Variants in MYO5B observed in about 807,000 individuals in gnomAD.
MYO5B encodes unconventional myosin-Vb.
MYO5B carries 143 observed loss-of-function variants against 229.3 expected under a neutral mutation model. The ratio of observed to expected loss-of-function variants is 0.62; its 90% CI spans 0.54 to 0.72. The LOEUF is 0.72. MYO5B is among the 30% of genes least tolerant of loss of function. The pLI is 0.00. For missense variants in MYO5B, 2,321 were observed against 2,331.0 expected (o/e 1.00, Z 0.09); for synonymous variants, 918 against 885.2 (o/e 1.04, Z -0.66).
intron 18 of MYO5B, among the ~76,000 whole-genome samples, chr18:49,909,083 T>C (rs1381975596): frequency 6.6e-6 from 1 of 152,224 alleles, no homozygotes. Context: ...CGTTCTGTTC[T>C]AAAACGTACT....
At chr18:50,152,047 T>C (rs1477363197) in intron 1 of MYO5B, among the ~76,000 whole-genome samples, 1 of 152,144 alleles carries the variant, frequency 6.6e-6, no homozygotes, top group African/African-American at 2.4e-5. Flanking sequence ...GGAAATGAAT[T>C]ACGTAAACAA....
intron 14 of MYO5B, among the ~76,000 whole-genome samples, chr18:49,950,165 C>T (rs536698231): frequency 1.8e-4 from 28 of 152,250 alleles, no homozygotes; most frequent in African/African-American, 6.3e-4. Flanking sequence ...TAGCCAGAGC[C>T]CTTCTTGGTT....
chr18:49,927,615 C>T (rs913816542), intron 17 of MYO5B, among the ~76,000 whole-genome samples: 1 of 152,154 alleles, frequency 6.6e-6, no homozygotes, highest in Non-Finnish European at 1.5e-5. Flanking sequence ...GTCAACTGAT[C>T]TTTGACAAAG....
At chr18:50,178,002 T>G (rs925628785) in intron 1 of MYO5B, among the ~76,000 whole-genome samples, 3 of 152,240 alleles carry the variant, frequency 2.0e-5, no homozygotes, top group Non-Finnish European at 2.9e-5. Flanking sequence ...TAGCACTTAT[T>G]GCACTGTAAT....
intron 1 of MYO5B, among the ~76,000 whole-genome samples, chr18:50,114,723 G>A (rs571649208): frequency 2.0e-5 from 3 of 152,288 alleles, no homozygotes; most frequent in South Asian, 4.2e-4. Flanking sequence ...GGCCAGCACC[G>A]CTGCATCTAG....
At chr18:50,085,845 T>C (rs1345435320) in intron 1 of MYO5B, among the ~76,000 whole-genome samples, 1 of 151,710 alleles carries the variant, frequency 6.6e-6, no homozygotes, top group Non-Finnish European at 1.5e-5. Context: ...TGTTCTCACT[T>C]ATAGGTGGGA....
At chr18:50,156,518 C>T (rs1251673846) in intron 1 of MYO5B, among the ~76,000 whole-genome samples, 4 of 152,168 alleles carry the variant, frequency 2.6e-5, no homozygotes, top group African/African-American at 4.8e-5. Context: ...TGTTTGCTTC[C>T]CCTTCAGCCA....
intron 1 of MYO5B, among the ~76,000 whole-genome samples, chr18:50,057,520 T>C (rs1165770334): frequency 1.3e-5 from 2 of 152,080 alleles, no homozygotes; most frequent in Non-Finnish European, 2.9e-5. Context: ...AGGACTCTGC[T>C]GGCCATCACC....
chr18:50,134,968 C>T (rs912883716), intron 1 of MYO5B, among the ~76,000 whole-genome samples: 1 of 152,134 alleles, frequency 6.6e-6, no homozygotes, highest in Non-Finnish European at 1.5e-5. Context: ...AATTAAGTTC[C>T]TCAACTGTTT....
In MYO5B at chr18:49,837,586, T is replaced by C. The variant is rs1295153970; in HGVS notation, c.5069A>G (p.Asn1690Ser). Reference protein sequence around the residue: ...QVFKQLFYMINAVTLNNLLLR... With the variant: ...QVFKQLFYMISAVTLNNLLLR... ...GAGCAGGTTGTTAAGAGTCACTGCGTTGATCATGTAGAAGAGCTGTTTGAA... is the reference window on the plus strand; with the variant it reads ...GAGCAGGTTGTTAAGAGTCACTGCGCTGATCATGTAGAAGAGCTGTTTGAA... The change falls in exon 37 of 40, where the codon AAC becomes AGC. Residue 1690 changes from asparagine to serine, a missense_variant. Around this residue, in one of 2 missense-constraint regions of MYO5B, gnomAD observed 208 missense variants for 286.3 expected, o/e 0.73. Transcript: ENST00000285039. 1 of 1,613,898 alleles carries C rather than the reference T, an allele frequency of 6.2e-7. No individual in the cohort carries two copies. The highest frequency in any genetic ancestry group is 8.5e-7 in the Non-Finnish European group (1 of 1,179,870).
At chr18:50,113,928 C>T (rs1009241606) in intron 1 of MYO5B, among the ~76,000 whole-genome samples, 2 of 152,214 alleles carry the variant, frequency 1.3e-5, no homozygotes, top group African/African-American at 2.4e-5. Flanking sequence ...CTCATTTTAT[C>T]GATTTCCCAA....
intron 10 of MYO5B, among the ~76,000 whole-genome samples, chr18:49,966,336 TAA>T (rs1428014725): frequency 6.6e-6 from 1 of 152,138 alleles, no homozygotes; most frequent in East Asian, 1.9e-4. Flanking sequence ...ATCAAAGATG[TAA>T]AGTGTATGCT....
At chr18:49,895,709 T>C (rs12455359) in intron 21 of MYO5B, among the ~76,000 whole-genome samples, 18,706 of 152,160 alleles carry the variant, frequency 0.12, 1,410 homozygotes, top group East Asian at 0.28. Context: ...CTGTCAGCCA[T>C]GGCTTGCCCC....
chr18:49,901,137 C>T (rs914256156), intron 21 of MYO5B, among the ~76,000 whole-genome samples: 5 of 152,214 alleles, frequency 3.3e-5, no homozygotes, highest in African/African-American at 9.7e-5. Context: ...AGGATCAATG[C>T]TGTTCAGCCT....
At chr18:49,978,421 C>T (rs2025776880) in intron 9 of MYO5B, among the ~76,000 whole-genome samples, 1 of 152,022 alleles carries the variant, frequency 6.6e-6, no homozygotes, top group Non-Finnish European at 1.5e-5. Context: ...GGTCTCGCCC[C>T]CCAATGCAGG....
chr18:50,121,878 A>C (rs1305625890), intron 1 of MYO5B, among the ~76,000 whole-genome samples: 1 of 152,222 alleles, frequency 6.6e-6, no homozygotes, highest in African/African-American at 2.4e-5. Context: ...AACTACCAAT[A>C]ACAGCCCTTT....
intron 2 of MYO5B, among the ~76,000 whole-genome samples, chr18:50,043,445 A>T (rs1338493122): frequency 1.7e-5 from 2 of 120,936 alleles, no homozygotes; most frequent in Non-Finnish European, 3.2e-5. Flanking sequence ...ATTAAATATT[A>T]AATATTTAAA....
At chr18:49,866,775 A>G (rs1162500386) in intron 27 of MYO5B, among the ~76,000 whole-genome samples, 2 of 152,178 alleles carry the variant, frequency 1.3e-5, no homozygotes. Flanking sequence ...CAATTACACT[A>G]AAGTACAGAT....
chr18:49,982,808 A>G (rs1568058195), intron 8 of MYO5B, among the ~76,000 whole-genome samples: 1 of 152,238 alleles, frequency 6.6e-6, no homozygotes, highest in African/African-American at 2.4e-5. Flanking sequence ...CAATTAAAAA[A>G]GGGACATGTT....
Sources: allele counts gnomAD v4.1 joint callset (sites outside exome capture counted in the v4.1 genomes callset), GRCh38; gene constraint gnomAD v4.1.1; regional missense constraint gnomAD v4.1.1; transcripts MANE v1.5; gene names NCBI Gene and HGNC (gene_info 2026-07-23, HGNC 2026-07-21).